The following XPA variants were observed in gnomAD, a reference collection of about 807,000 sequenced individuals.
The protein encoded by XPA is XPA, DNA damage recognition and repair factor.
Under a neutral mutation model 35.7 loss-of-function variants are expected in XPA, and 27 were observed. That is an observed-to-expected ratio of 0.76 (90% CI 0.56 to 1.04). The LOEUF (loss-of-function observed/expected upper bound fraction) is 1.04. XPA is among the 50% of genes least tolerant of loss of function. The pLI, the probability that XPA is intolerant of heterozygous loss-of-function variation, is 0.00. For missense variants in XPA, 354 were observed against 342.7 expected, an observed-to-expected ratio of 1.03 and a Z score of -0.26; for synonymous variants, 133 against 118.4, an observed-to-expected ratio of 1.12 and a Z score of -0.80.
At chr9:97,681,844 A>G (rs1828552096) in intron 5 of XPA, among the ~76,000 whole-genome samples, 1 of 152,154 alleles carries the variant, frequency 6.6e-6, no homozygotes, top group African/African-American at 2.4e-5. Context: ...TCTCCTTGCT[A>G]CTGAAGAGAG....
the XPA span, chr9:97,655,937 C>A: frequency 7.0e-7 from 1 of 1,433,700 alleles, no homozygotes; most frequent in Non-Finnish European, 9.7e-7. Context: ...TATAAGTTAA[C>A]AGATAATTAT....
chr9:97,694,826 C>T (rs981458854), intron 1 of XPA, among the ~76,000 whole-genome samples: 4 of 152,216 alleles, frequency 2.6e-5, no homozygotes, highest in African/African-American at 9.6e-5. Context: ...AGGTTTCATT[C>T]GTAACAGCCC....
chr9:97,663,947 G>C, the XPA span, among the ~76,000 whole-genome samples: 1 of 151,796 alleles, frequency 6.6e-6, no homozygotes, highest in Non-Finnish European at 1.5e-5. Flanking sequence ...GGGAGGCCGA[G>C]ATGGATGGAT....
At chr9:97,667,045 G>A in the XPA span, among the ~76,000 whole-genome samples, 1 of 152,320 alleles carries the variant, frequency 6.6e-6, no homozygotes, top group African/African-American at 2.4e-5. Flanking sequence ...GAGGAGGAAG[G>A]AGCAGGTAGT....
chr9:97,691,848 A>G (rs1828898573), intron 2 of XPA, among the ~76,000 whole-genome samples: 1 of 149,264 alleles, frequency 6.7e-6, no homozygotes, highest in Admixed American at 6.7e-5. Context: ...ATGCCACTGC[A>G]CTCCAGGCTG....
chr9:97,662,066 T>G, the XPA span: 1 of 1,613,640 alleles, frequency 6.2e-7, no homozygotes, highest in African/African-American at 1.3e-5. Context: ...TTTAACCCAT[T>G]GAAAATAGAA....
At chr9:97,662,367 T>C in the XPA span, among the ~76,000 whole-genome samples, 1 of 152,348 alleles carries the variant, frequency 6.6e-6, no homozygotes, top group East Asian at 1.9e-4. Flanking sequence ...TTTTTTCATA[T>C]AGACATTTAA....
chr9:97,667,730 G>A, the XPA span, among the ~76,000 whole-genome samples: 2 of 152,208 alleles, frequency 1.3e-5, no homozygotes, highest in Non-Finnish European at 2.9e-5. Flanking sequence ...GCCACTAGCT[G>A]CACGTGACTA....
rs1356852024 is a variant in XPA, at chr9:97,675,031, G to A, written c.*408C>T. ...AAAAAACACATGACTAGAACCTGGG[G>A]TACAGTGGTGCACCACCATTGCTAT... On this transcript the variant is annotated 3_prime_UTR_variant, in exon 6 of 6. Coordinates refer to ENST00000375128, the MANE Select transcript of XPA (RefSeq NM_000380.4). 1 of 529,740 alleles carries A rather than the reference G, an allele frequency of 1.9e-6. No individual in the cohort carries two copies. The highest frequency in any genetic ancestry group is 3.7e-6 in the Non-Finnish European group (1 of 273,658). The allele number at this position is 529,740 out of a possible 1,614,324, so 32.8% of individuals were successfully genotyped here. A position where few individuals can be genotyped will look rare whatever the true frequency, so the allele number is the denominator to read the frequency against.
chr9:97,684,737 T>G (rs539637622), intron 5 of XPA, among the ~76,000 whole-genome samples, 186 bp downstream of exon 5: 58 of 152,320 alleles, frequency 3.8e-4, no homozygotes, highest in Admixed American at 1.0e-3. Flanking sequence ...AGAAATGTCG[T>G]ACTGTGAGGT....
intron 1 of XPA, among the ~76,000 whole-genome samples, chr9:97,695,117 A>G (rs1289918811): frequency 1.3e-5 from 2 of 152,220 alleles, no homozygotes; most frequent in African/African-American, 4.8e-5. Context: ...GAAAACTTCT[A>G]AGGTTCCGGA....
the XPA span, chr9:97,664,431 G>T: frequency 1.2e-6 from 2 of 1,602,758 alleles, no homozygotes; most frequent in East Asian, 2.2e-5. Context: ...GAACTATCTC[G>T]TGACTTTACC....
rs1228453951 is a variant in XPA, at chr9:97,697,273, G to A, written c.20C>T (p.Ala7Val). ...CTCTAAAGCCGCCGCCTCCGGCAAA[G>A]CCCCGTCGGCCGCCGCCATCTCTGG... The part of the protein sequence containing the change: MAAADG[A>V]LPEAAALEQP... The change falls in exon 1 of 6, where the codon GCT (alanine) becomes GTT (valine). Residue 7 changes from alanine to valine, a missense_variant. Ala to Val is a moderately conservative substitution (Grantham distance 64, BLOSUM62 0). Transcript: ENST00000375128. 2.5e-6 allele frequency: 4 copies of A among 1,598,560 alleles called. No homozygotes were observed. Among genetic ancestry groups the A allele is most frequent in the South Asian group, 1.1e-5 (1 of 91,006 alleles).
chr9:97,691,857 T>G (rs1828898719), intron 2 of XPA, among the ~76,000 whole-genome samples: 1 of 148,180 alleles, frequency 6.7e-6, no homozygotes, highest in African/African-American at 2.5e-5. Flanking sequence ...CACTCCAGGC[T>G]GGCGACAGAG....
downstream of XPA, among the ~76,000 whole-genome samples, chr9:97,674,459 A>G (rs952070587): frequency 5.3e-5 from 8 of 152,208 alleles, no homozygotes; most frequent in East Asian, 1.3e-3. Flanking sequence ...TTCCTATTCT[A>G]TTTGTACAGT....
chr9:97,689,840 T>C (rs931924423), intron 2 of XPA, among the ~76,000 whole-genome samples: 1 of 151,954 alleles, frequency 6.6e-6, no homozygotes, highest in African/African-American at 2.4e-5. Flanking sequence ...GAAAAAAACG[T>C]AGCAATTCCA....
chr9:97,692,929 A>C (rs1041104347), intron 2 of XPA, among the ~76,000 whole-genome samples: 17 of 152,168 alleles, frequency 1.1e-4, no homozygotes, highest in African/African-American at 4.1e-4. Flanking sequence ...AAATATTTTA[A>C]TCCTTCAAGT....
chr9:97,670,612 C>T (rs925247825), downstream of XPA, among the ~76,000 whole-genome samples: 2 of 152,232 alleles, frequency 1.3e-5, no homozygotes, highest in African/African-American at 4.8e-5. Flanking sequence ...AAAGCTTTAA[C>T]AGTCTCTAGT....
the XPA span, chr9:97,669,882 G>T: frequency 9.6e-5 from 65 of 674,334 alleles, no homozygotes; most frequent in Admixed American, 8.5e-4. Flanking sequence ...AACTGATTCT[G>T]TACCACTTAG....
Sources: gnomAD v4.1 joint callset for allele counts (sites outside exome capture counted in the v4.1 genomes callset) on GRCh38, gnomAD v4.1.1 for gene constraint, MANE v1.5 for transcripts, NCBI Gene and HGNC (gene_info 2026-07-23, HGNC 2026-07-21) for gene names.